The following TENM2 variants were observed in gnomAD, a reference collection of about 807,000 sequenced individuals.
TENM2 encodes the protein teneurin transmembrane protein 2.
A neutral mutation model predicts 245.2 loss-of-function variants in TENM2; 52 were observed. That is an observed-to-expected ratio of 0.21 (90% CI 0.17 to 0.27). TENM2 has a LOEUF of 0.27. Among genes scored for constraint, TENM2 ranks in the 10% least tolerant of loss-of-function variants. The pLI, the probability that TENM2 is intolerant of heterozygous loss-of-function variation, is 1.00. For missense variants in TENM2, 3,046 were observed against 3,666.8 expected (o/e 0.83, Z 4.37); for synonymous variants, 1,363 against 1,438.9 (o/e 0.95, Z 1.19).
chr5:168,236,354 C>T (rs1765423850), intron 25 of TENM2, among the ~76,000 whole-genome samples: 1 of 152,194 alleles, frequency 6.6e-6, no homozygotes, highest in Non-Finnish European at 1.5e-5. Flanking sequence ...GACCACCCAC[C>T]TGCACTAGAA....
intron 12 of TENM2, among the ~76,000 whole-genome samples, chr5:168,141,917 A>G (rs1755585790): frequency 6.6e-6 from 1 of 152,170 alleles, no homozygotes; most frequent in Non-Finnish European, 1.5e-5. Context: ...AAACATTTCT[A>G]TTTTGGAGCG....
chr5:167,901,946 C>A lies in TENM2; in HGVS notation c.712+25751C>A, dbSNP rs1484966354. Among the ~76,000 whole-genome samples, 5 of 152,118 alleles carry A rather than the reference C, an allele frequency of 3.3e-5. No individual in the cohort carries two copies. The East Asian group carries it at 9.6e-4, about 29-fold the overall frequency. ...TTTTTATAACTTTATATGTTGCCAACAAAATGTGATATTAGCATAGAAAGC... is the reference window on the plus strand; with the variant it reads ...TTTTTATAACTTTATATGTTGCCAAAAAAATGTGATATTAGCATAGAAAGC... On this transcript the variant is annotated intron_variant, in intron 3 of 28. Transcript: ENST00000518659.
the TENM2 span, among the ~76,000 whole-genome samples, chr5:167,102,528 C>T: frequency 6.6e-6 from 1 of 152,198 alleles, no homozygotes; most frequent in Non-Finnish European, 1.5e-5. Context: ...GTTGGGCCTT[C>T]TCACTCAACT....
chr5:168,043,369 G>A (rs752880212), intron 5 of TENM2, among the ~76,000 whole-genome samples: 19 of 152,098 alleles, frequency 1.2e-4, no homozygotes, highest in Non-Finnish European at 2.2e-4. Context: ...GATTATAGGC[G>A]TGAGCCACCC....
chr5:167,126,259 A>G, the TENM2 span, among the ~76,000 whole-genome samples: 1 of 152,150 alleles, frequency 6.6e-6, no homozygotes. Flanking sequence ...ATATGAATAG[A>G]TGATTGGGCA....
At chr5:168,236,965 T>C (rs1401969480) in intron 25 of TENM2, among the ~76,000 whole-genome samples, 31 of 6,264 alleles carry the variant, frequency 4.9e-3, no homozygotes, top group Middle Eastern at 0.033. Context: ...TATATATATA[T>C]ATATATATAT....
chr5:167,000,306 G>T, the TENM2 span, among the ~76,000 whole-genome samples: 1 of 152,126 alleles, frequency 6.6e-6, no homozygotes, highest in Non-Finnish European at 1.5e-5. Flanking sequence ...TATTTGGATT[G>T]TTAGAAGTTT....
intron 2 of TENM2, among the ~76,000 whole-genome samples, chr5:167,866,208 G>C (rs902921948): frequency 6.6e-6 from 1 of 152,142 alleles, no homozygotes; most frequent in African/African-American, 2.4e-5. Flanking sequence ...TCTCTAGAAG[G>C]TGTTTGCCAG....
chr5:167,393,402 C>G (rs1351506965), intron 2 of TENM2, among the ~76,000 whole-genome samples: 1 of 152,022 alleles, frequency 6.6e-6, no homozygotes, highest in Non-Finnish European at 1.5e-5. Context: ...GAATGAAAAC[C>G]TCAAGGAACA....
chr5:168,222,081 T>C (rs1371094914), intron 23 of TENM2, among the ~76,000 whole-genome samples: 1 of 152,242 alleles, frequency 6.6e-6, no homozygotes, highest in African/African-American at 2.4e-5. Context: ...TAAGCACACC[T>C]CTGTCTCCTT....
chr5:167,780,477 G>C (rs1449260388), intron 2 of TENM2, among the ~76,000 whole-genome samples: 1 of 152,070 alleles, frequency 6.6e-6, no homozygotes, highest in Non-Finnish European at 1.5e-5. Flanking sequence ...TCCCACATTT[G>C]TGTACTTTTT....
rs35699708 is a variant in TENM2, at chr5:167,445,369, A to AGAGAGAGAGAGAGAGAGAGAGAGAGT, written c.502+69897_502+69898insAGAGAGAGAGAGAGAGAGAGAGAGTG. Among the ~76,000 whole-genome samples, 150 of 98,422 alleles carry AGAGAGAGAGAGAGAGAGAGAGAGAGT rather than the reference A, an allele frequency of 1.5e-3. 7 individuals are homozygous for AGAGAGAGAGAGAGAGAGAGAGAGAGT. Among genetic ancestry groups the AGAGAGAGAGAGAGAGAGAGAGAGAGT allele is most frequent in the African/African-American group, 3.5e-3 (69 of 19,784 alleles). The allele number at this position is 98,422 out of a possible 152,430, so 64.6% of individuals were successfully genotyped here. On this transcript the variant is annotated intron_variant, in intron 2 of 28. Coordinates refer to ENST00000518659, the Ensembl canonical transcript of TENM2. ...GAGAGAGAGAGAGAGAGAGAGAGAG[A>AGAGAGAGAGAGAGAGAGAGAGAGAGT]GTGTCAGGTGTTGTCTTGTTGTTGG...
chr5:167,231,975 T>C, the TENM2 span, among the ~76,000 whole-genome samples: 3 of 152,264 alleles, frequency 2.0e-5, no homozygotes, highest in East Asian at 3.9e-4. Context: ...AGGCCATTGC[T>C]TCAGAGGATT....
chr5:167,168,945 G>C, the TENM2 span, among the ~76,000 whole-genome samples: 1 of 152,122 alleles, frequency 6.6e-6, no homozygotes, highest in Non-Finnish European at 1.5e-5. Context: ...ATTTTTAGTA[G>C]AGACGAGGTT....
At chr5:167,765,312 G>C (rs1381794288) in intron 2 of TENM2, among the ~76,000 whole-genome samples, 1 of 152,146 alleles carries the variant, frequency 6.6e-6, no homozygotes, top group Non-Finnish European at 1.5e-5. Context: ...GTTTACAAAT[G>C]ACTGGGTATG....
chr5:167,322,170 G>T (rs867801444), intron 1 of TENM2, among the ~76,000 whole-genome samples: 47 of 150,642 alleles, frequency 3.1e-4, no homozygotes, highest in African/African-American at 1.1e-3. Flanking sequence ...ACTCTGATTT[G>T]TGTGTTTATG....
intron 1 of TENM2, among the ~76,000 whole-genome samples, chr5:167,349,729 G>A (rs1758704179): frequency 6.6e-6 from 1 of 151,930 alleles, no homozygotes. Context: ...TAATTTTGGT[G>A]ATTGTGTTAG....
chr5:167,426,819 A>G (rs570381724), intron 2 of TENM2, among the ~76,000 whole-genome samples: 30 of 152,340 alleles, frequency 2.0e-4, no homozygotes, highest in Non-Finnish European at 3.2e-4. Context: ...TCTAGAAGAA[A>G]AAAAAATCAA....
intron 5 of TENM2, among the ~76,000 whole-genome samples, chr5:168,045,822 T>C (rs368621841): frequency 7.7e-4 from 117 of 152,340 alleles, no homozygotes; most frequent in African/African-American, 2.6e-3. Context: ...TTAGTTCTCA[T>C]TTCCTGACCT....
Sources: allele counts gnomAD v4.1 joint callset (sites outside exome capture counted in the v4.1 genomes callset), GRCh38; gene constraint gnomAD v4.1.1; transcripts MANE v1.5; gene names NCBI Gene and HGNC (gene_info 2026-07-23, HGNC 2026-07-21).